The following ARVCF variants were observed in gnomAD, a reference collection of about 807,000 sequenced individuals.
The protein encoded by ARVCF is splicing regulator ARVCF.
Under a neutral mutation model 90.9 loss-of-function variants are expected in ARVCF, and 66 were observed. The observed-to-expected ratio is 0.73, with a 90% confidence interval of 0.60 to 0.89. The LOEUF is 0.89. Ranked by LOEUF, ARVCF falls within the 40% of genes least tolerant of loss-of-function variation. The pLI is 0.00. For missense variants in ARVCF, 1,469 were observed against 1,382.3 expected (o/e 1.06, Z -1.00); for synonymous variants, 653 against 603.4 (o/e 1.08, Z -1.21).
chr22:19,977,656 C>T (rs1444448530), intron 8 of ARVCF, 70 bp from the exon 9 acceptor site: 3 of 1,475,410 alleles, frequency 2.0e-6, no homozygotes, highest in East Asian at 2.4e-5. Flanking sequence ...AAAGACTGGC[C>T]ACAGCTGGTG....
chr22:19,974,192 G>C lies in ARVCF; in HGVS notation c.2008C>G (p.Leu670Val). Residue 670 changes from leucine to valine, a missense_variant, in exon 12 of 20, where the codon CTC becomes GTC. Leu to Val is a conservative substitution (Grantham distance 32). Coordinates refer to ENST00000263207, the MANE Select transcript of ARVCF (RefSeq NM_001670.3). Reference sequence around the variant, plus strand: ...TTGAAGTTCCGGCTCTCCGTGAGGAGGGAGAGGTAGAGACGTACCACCTCG... The same window carrying C: ...TTGAAGTTCCGGCTCTCCGTGAGGACGGAGAGGTAGAGACGTACCACCTCG... ...QPEVVRLYLS[L>V]LTESRNFNTL... The C allele has an allele frequency of 1.2e-6, 2 of 1,612,854 alleles. No individual in the cohort carries two copies. The highest frequency in any genetic ancestry group is 1.7e-6 in the Non-Finnish European group (2 of 1,179,828).
Position 19,969,979 on chromosome 22 carries a change from T to C in ARVCF, c.*777A>G, listed in dbSNP as rs1942655321. On this transcript the variant is annotated 3_prime_UTR_variant, in exon 20 of 20. Coordinates refer to ENST00000263207, the MANE Select transcript of ARVCF (RefSeq NM_001670.3). ...TCTTATTTTGGCTTATTTTTAATGC[T>C]TTTTCTCAGTGTTTTTCTTCTGTTT... The C allele has an allele frequency of 5.1e-6, 5 of 985,684 alleles. No homozygotes were observed. The highest frequency in any genetic ancestry group is 6.0e-6 in the Non-Finnish European group (5 of 829,950). 61.1% of individuals were successfully genotyped at this position (985,684 alleles called of 1,614,324 possible). A position where few individuals can be genotyped will look rare whatever the true frequency, so the allele number is the denominator to read the frequency against.
chr22:20,012,079 T>TCCCCCC (rs11405277), intron 1 of ARVCF, among the ~76,000 whole-genome samples: 65 of 117,154 alleles, frequency 5.5e-4, no homozygotes, highest in South Asian at 6.0e-4. Context: ...CCTCCCAAAG[T>TCCCCCC]CCCCCCCCCC....
downstream of ARVCF, chr22:19,968,551 C>T (rs144463570): frequency 8.1e-6 from 13 of 1,613,770 alleles, no homozygotes; most frequent in African/African-American, 5.3e-5. Flanking sequence ...TGGCCTGCTG[C>T]GGAAGGGGAC....
intron 16 of ARVCF, 113 bp downstream of exon 16, chr22:19,972,624 A>G: frequency 7.9e-7 from 1 of 1,260,300 alleles, no homozygotes; most frequent in Non-Finnish European, 1.1e-6. Context: ...AAAGTGGCCT[A>G]TGGAAGCCGT....
chr22:19,972,107 G>A (rs1942844092), intron 17 of ARVCF, 136 bp from the exon 18 acceptor site: 1 of 949,622 alleles, frequency 1.1e-6, no homozygotes, highest in Non-Finnish European at 1.6e-6. Flanking sequence ...CCCTGTCCTG[G>A]AGATCCAGGC....
Position 19,972,652 on chromosome 22 carries a change from C to T in ARVCF, c.2641+85G>A, listed in dbSNP as rs539273029. ...GAAGCCGTCTCAGTGGGAGGCCTGA[C>T]TCCTCCTTCACCTTCACCCAAGGGT... On this transcript the variant is annotated intron_variant, in intron 16 of 19. Coordinates refer to ENST00000263207, the MANE Select transcript of ARVCF (RefSeq NM_001670.3). 4.4e-5 allele frequency: 62 copies of T among 1,416,494 alleles called. No individual in the cohort carries two copies. In the African/African-American group the frequency reaches 8.1e-4, roughly 18 times the overall value. The allele number at this position is 1,416,494 out of a possible 1,614,324, so 87.7% of individuals were successfully genotyped here.
At chr22:19,994,902 G>A (rs775545075) in intron 2 of ARVCF, among the ~76,000 whole-genome samples, 10 of 142,736 alleles carry the variant, frequency 7.0e-5, no homozygotes, top group South Asian at 2.4e-4. Context: ...ATGGATGAAC[G>A]TATGGATGGA....
Position 19,980,204 on chromosome 22 carries a change from G to T in ARVCF, c.935C>A (p.Ala312Glu). 6.5e-7 allele frequency: 1 copy of T among 1,544,472 alleles called. No homozygotes were observed. Residue 312 changes from alanine (A) to glutamate (E), a missense_variant, in exon 6 of 20, where the codon GCG becomes GAG. Coordinates refer to ENST00000263207, the MANE Select transcript of ARVCF (RefSeq NM_001670.3). ...CATTGGGAACGCAGGCCGCTCGTCC[G>T]CCAGCTCGCCGCCATCATCTGCTGT... ...EDTADDGGEL[A>E]DERPAFPMVT...
downstream of ARVCF, among the ~76,000 whole-genome samples, chr22:19,966,641 A>G (rs975908089): frequency 3.9e-5 from 6 of 151,996 alleles, no homozygotes; most frequent in African/African-American, 1.2e-4. Context: ...GGGTCTCCCT[A>G]TGTTGCCCAG....
At chr22:20,003,173 T>G (rs1183205676) in intron 2 of ARVCF, among the ~76,000 whole-genome samples, 1 of 152,014 alleles carries the variant, frequency 6.6e-6, no homozygotes, top group Non-Finnish European at 1.5e-5. Context: ...CAAGACTGAA[T>G]CATGAAGAAA....
At chr22:20,006,597 C>T (rs1195504478) in intron 2 of ARVCF, among the ~76,000 whole-genome samples, 2 of 150,870 alleles carry the variant, frequency 1.3e-5, no homozygotes, top group Non-Finnish European at 2.9e-5. Flanking sequence ...AAAAGAGGCT[C>T]CCTCACATAA....
At chr22:19,997,484 G>C (rs761426450) in intron 2 of ARVCF, among the ~76,000 whole-genome samples, 4 of 152,228 alleles carry the variant, frequency 2.6e-5, no homozygotes, top group Non-Finnish European at 5.9e-5. Flanking sequence ...GGAGACATGA[G>C]ATGGGGTGGA....
intron 3 of ARVCF, among the ~76,000 whole-genome samples, chr22:19,984,949 G>A (rs1943686836): frequency 1.3e-5 from 2 of 152,190 alleles, no homozygotes; most frequent in Non-Finnish European, 2.9e-5. Flanking sequence ...CATCTTTAGG[G>A]TGGGGCTGTG....
downstream of ARVCF, chr22:19,965,618 G>A (rs1374974501): frequency 1.3e-5 from 2 of 152,308 alleles, no homozygotes; most frequent in African/African-American, 4.8e-5. Flanking sequence ...GGGATTACAG[G>A]CGTGAGCCAC....
At chr22:19,980,495 ACT>A in intron 5 of ARVCF, 2 of 452,840 alleles carry the variant, frequency 4.4e-6, no homozygotes, top group Non-Finnish European at 7.5e-6. Context: ...AGGACAGCAA[ACT>A]CACTCACTGC....
At chr22:19,974,072 C>T in intron 12 of ARVCF, 40 bp downstream of exon 12, 1 of 1,575,636 alleles carries the variant, frequency 6.3e-7, no homozygotes, top group Non-Finnish European at 8.6e-7. Flanking sequence ...GGGATTCCCT[C>T]TCTCAGGACT....
At chr22:19,967,432 T>TA, downstream of ARVCF, 1 of 469,838 alleles carries the variant, frequency 2.1e-6, no homozygotes, top group Non-Finnish European at 4.4e-6. Context: ...TCATGATTCA[T>TA]GGTGGTACTT....
At chr22:19,968,204 G>A (rs1310514187), downstream of ARVCF, among the ~76,000 whole-genome samples, 2 of 152,160 alleles carry the variant, frequency 1.3e-5, no homozygotes, top group Non-Finnish European at 2.9e-5. Flanking sequence ...GGGTGTTGAG[G>A]GCCCCATTGT....
Sources: allele counts gnomAD v4.1 joint callset (sites outside exome capture counted in the v4.1 genomes callset), GRCh38; gene constraint gnomAD v4.1.1; transcripts MANE v1.5; gene names NCBI Gene and HGNC (gene_info 2026-07-23, HGNC 2026-07-21).